The following ADAMTS14 variants were observed in gnomAD, a reference collection of about 807,000 sequenced individuals.
ADAMTS14 encodes ADAM metallopeptidase with thrombospondin type 1 motif 14, also known as A disintegrin and metalloproteinase with thrombospondin motifs 14.
In ADAMTS14, 100 loss-of-function variants were observed where a neutral mutation model predicts 128.6. The observed-to-expected ratio is 0.78, with a 90% CI of 0.66 to 0.92. The LOEUF (loss-of-function observed/expected upper bound fraction) is 0.92, where lower values mean the gene tolerates loss of function less well. ADAMTS14 is among the 40% of genes least tolerant of loss of function. The pLI is 0.00. For missense variants in ADAMTS14, 1,562 were observed against 1,658.6 expected (o/e 0.94, Z 1.01); for synonymous variants, 665 against 653.8 (o/e 1.02, Z -0.26).
chr10:70,739,128 A>G, intron 11 of ADAMTS14, 138 bp downstream of exon 11: 2 of 1,106,450 alleles, frequency 1.8e-6, no homozygotes, highest in Non-Finnish European at 2.5e-6. Flanking sequence ...GCATGAGGAC[A>G]CAAACTTGTT....
chr10:70,733,783 C>A, intron 7 of ADAMTS14, 102 bp from the exon 8 acceptor site: 2 of 1,419,766 alleles, frequency 1.4e-6, no homozygotes, highest in East Asian at 2.4e-5. Context: ...ATCTGAGCTC[C>A]GGGTCAGGTC....
At chr10:70,676,523 G>T (rs1388995142) in intron 2 of ADAMTS14, among the ~76,000 whole-genome samples, 1 of 152,216 alleles carries the variant, frequency 6.6e-6, no homozygotes, top group Non-Finnish European at 1.5e-5. Flanking sequence ...CACCTTGTCA[G>T]GTGCGCAGAA....
intron 2 of ADAMTS14, among the ~76,000 whole-genome samples, chr10:70,679,551 C>T (rs1839741484): frequency 6.6e-6 from 1 of 152,200 alleles, no homozygotes; most frequent in Non-Finnish European, 1.5e-5. Flanking sequence ...GGGCTGCATG[C>T]TCACTGTGCC....
At chr10:70,679,696 T>C (rs1839746288) in intron 2 of ADAMTS14, among the ~76,000 whole-genome samples, 1 of 152,246 alleles carries the variant, frequency 6.6e-6, no homozygotes, top group Non-Finnish European at 1.5e-5. Flanking sequence ...CCCCTTTGCC[T>C]TCAGTGCCTC....
intron 3 of ADAMTS14, among the ~76,000 whole-genome samples, chr10:70,706,359 G>T (rs1298889051): frequency 6.6e-6 from 1 of 152,258 alleles, no homozygotes; most frequent in Non-Finnish European, 1.5e-5. Context: ...GACAGGCCTG[G>T]CAGGGAGGGC....
chr10:70,709,501 T>TG (rs1471757672), intron 4 of ADAMTS14, among the ~76,000 whole-genome samples: 15 of 84,572 alleles, frequency 1.8e-4, no homozygotes, highest in Admixed American at 1.5e-3. Context: ...TCCAGTTTTT[T>TG]TTTTTTTTTT....
intron 2 of ADAMTS14, among the ~76,000 whole-genome samples, chr10:70,683,065 G>A (rs1483376141): frequency 6.6e-6 from 1 of 152,220 alleles, no homozygotes. Context: ...GCTGAGGCAC[G>A]CACACTGCCA....
intron 4 of ADAMTS14, among the ~76,000 whole-genome samples, chr10:70,722,925 T>C (rs1451400611): frequency 2.0e-5 from 3 of 152,246 alleles, no homozygotes; most frequent in Non-Finnish European, 2.9e-5. Context: ...CCCCACTCCC[T>C]AGATGTGGCC....
At chr10:70,753,673 G>A in intron 18 of ADAMTS14, 127 bp from the exon 19 acceptor site, 1 of 978,592 alleles carries the variant, frequency 1.0e-6, no homozygotes, top group South Asian at 1.7e-5. Context: ...GTTGTCCTAG[G>A]CCTCAAACAT....
intron 4 of ADAMTS14, among the ~76,000 whole-genome samples, chr10:70,722,985 G>C (rs1024895623): frequency 1.3e-5 from 2 of 152,220 alleles, no homozygotes; most frequent in East Asian, 3.8e-4. Flanking sequence ...TCAGGGAGCA[G>C]AGGGTAACTT....
intron 9 of ADAMTS14, among the ~76,000 whole-genome samples, chr10:70,735,698 A>G (rs1841805502): frequency 6.6e-6 from 1 of 151,902 alleles, no homozygotes; most frequent in Non-Finnish European, 1.5e-5. Flanking sequence ...CCTGCACATC[A>G]CCTCTCTCCA....
At chr10:70,733,145 G>A (rs1841705109) in intron 7 of ADAMTS14, among the ~76,000 whole-genome samples, 1 of 152,156 alleles carries the variant, frequency 6.6e-6, no homozygotes, top group Admixed American at 6.5e-5. Context: ...CTGCAACATG[G>A]GGCTGACACC....
chr10:70,717,922 C>A (rs1030994280), intron 4 of ADAMTS14, among the ~76,000 whole-genome samples: 1 of 152,158 alleles, frequency 6.6e-6, no homozygotes, highest in African/African-American at 2.4e-5. Flanking sequence ...AGGGTCCTAC[C>A]AGCTCTGACC....
chr10:70,740,276 G>C (rs148841742), intron 11 of ADAMTS14, among the ~76,000 whole-genome samples: 144 of 152,264 alleles, frequency 9.5e-4, no homozygotes, highest in African/African-American at 3.3e-3. Flanking sequence ...CTATGAGTAG[G>C]GTACTGTTAA....
chr10:70,740,101 G>C (rs1196930384), intron 11 of ADAMTS14, among the ~76,000 whole-genome samples: 1 of 152,148 alleles, frequency 6.6e-6, no homozygotes, highest in African/African-American at 2.4e-5. Flanking sequence ...ATTTTATGAG[G>C]CTTAAATGAA....
rs756739834 is a variant in ADAMTS14, at chr10:70,674,668, A to G, written c.195A>G (p.Ala65=). The G allele has an allele frequency of 2.5e-6, 4 of 1,613,622 alleles. No homozygotes were observed. The South Asian group carries it at 4.4e-5, about 18-fold the overall frequency. Residue 65 remains alanine, a synonymous_variant, in exon 2 of 22, where the codon GCA becomes GCG. Coordinates refer to ENST00000373207, the MANE Select transcript of ADAMTS14 (RefSeq NM_080722.4). ...HVVSGPAAAS[A]GSMVVDTPPT... Reference sequence around the variant, plus strand: ...TGTCTGGCCCAGCAGCAGCCTCTGCAGGGAGCATGGTAGTGGACACGCCAC... The same window carrying G: ...TGTCTGGCCCAGCAGCAGCCTCTGCGGGGAGCATGGTAGTGGACACGCCAC...
At chr10:70,722,722 C>A (rs542623697) in intron 4 of ADAMTS14, among the ~76,000 whole-genome samples, 1 of 152,308 alleles carries the variant, frequency 6.6e-6, no homozygotes, top group East Asian at 1.9e-4. Context: ...AGCTCTCAAC[C>A]ACCAAAGCTG....
At chr10:70,748,545 T>C (rs1842253957) in intron 15 of ADAMTS14, among the ~76,000 whole-genome samples, 1 of 151,964 alleles carries the variant, frequency 6.6e-6, no homozygotes, top group Admixed American at 6.5e-5. Context: ...ACCCTGCCCC[T>C]ACATTGCTCC....
chr10:70,758,271 A>C lies in ADAMTS14; in HGVS notation c.3164A>C (p.Asn1055Thr), dbSNP rs988915525. 13 of 1,613,994 alleles carry C rather than the reference A, an allele frequency of 8.1e-6. No homozygotes were observed. The Admixed American group carries it at 8.3e-5, about 10-fold the overall frequency. Residue 1055 changes from asparagine (N) to threonine (T), a missense_variant, in exon 21 of 22, where the codon AAC (asparagine) becomes ACC (threonine). By Grantham distance (65) the Asn-to-Thr change is moderately conservative (BLOSUM62 0). Coordinates refer to ENST00000373207, the MANE Select transcript of ADAMTS14 (RefSeq NM_080722.4). The part of the protein sequence containing the change: ...VPQSEPLHPI[N>T]KISSTEPCTG... ...CAATCTGAACCCCTACATCCCATTAACAAGATATCATCAAGTAAGTACAGT... is the reference window on the plus strand; with the variant it reads ...CAATCTGAACCCCTACATCCCATTACCAAGATATCATCAAGTAAGTACAGT...
Sources: allele counts gnomAD v4.1 joint callset (sites outside exome capture counted in the v4.1 genomes callset), GRCh38; gene constraint gnomAD v4.1.1; transcripts MANE v1.5; gene names NCBI Gene and HGNC (gene_info 2026-07-23, HGNC 2026-07-21).